Variants in TMEM260 observed in about 807,000 individuals in gnomAD.
TMEM260 encodes transmembrane protein 260.
TMEM260 carries 82 observed loss-of-function variants against 88.9 expected under a neutral mutation model. The observed-to-expected ratio is 0.92, with a 90% CI of 0.77 to 1.11. The LOEUF (loss-of-function observed/expected upper bound fraction) is 1.11. Ranked by LOEUF, TMEM260 falls within the 50% of genes least tolerant of loss-of-function variation. The pLI is 0.00. For synonymous variants in TMEM260, 314 were observed against 309.3 expected (o/e 1.02, Z -0.16); for missense variants, 902 against 853.4 (o/e 1.06, Z -0.71).
At chr14:56,631,178 G>A (rs770121598) in intron 12 of TMEM260, among the ~76,000 whole-genome samples, 4 of 152,308 alleles carry the variant, frequency 2.6e-5, no homozygotes, top group South Asian at 2.1e-4. Context: ...CCAAGCAGGC[G>A]ACTTGACAGA....
chr14:56,607,949 T>C (rs1887017178), intron 5 of TMEM260, among the ~76,000 whole-genome samples: 1 of 152,204 alleles, frequency 6.6e-6, no homozygotes, highest in African/African-American at 2.4e-5. Flanking sequence ...CATCTTACCA[T>C]TCTAAATTCA....
intron 14 of TMEM260, among the ~76,000 whole-genome samples, chr14:56,635,830 AAAT>A (rs1247295526): frequency 7.7e-5 from 11 of 143,164 alleles, no homozygotes; most frequent in Non-Finnish European, 9.3e-5. Flanking sequence ...TACAGCTGCA[AAAT>A]AATGATTGCA....
the TMEM260 span, among the ~76,000 whole-genome samples, chr14:56,655,867 A>G: frequency 1.3e-5 from 2 of 152,132 alleles, no homozygotes; most frequent in African/African-American, 2.4e-5. Context: ...GCCATGTGCT[A>G]TCTCCTGTGG....
chr14:56,636,247 G>A (rs1889056941), intron 14 of TMEM260, among the ~76,000 whole-genome samples: 1 of 147,162 alleles, frequency 6.8e-6, no homozygotes, highest in Non-Finnish European at 1.5e-5. Context: ...ACATTTGGAG[G>A]ATGAACAATG....
the TMEM260 span, among the ~76,000 whole-genome samples, chr14:56,661,548 GAGGGAGGGAGGGAAAGAGGGAAGGGAGGA>G: frequency 7.2e-6 from 1 of 138,024 alleles, no homozygotes; most frequent in Admixed American, 7.2e-5. Context: ...GGGAGGGAGG[GAGGGAGGGAGGGAAAGAGGGAAGGGAGGA>G]AGGGAGGGAA....
downstream of TMEM260, among the ~76,000 whole-genome samples, chr14:56,654,350 G>GT (rs1295011686): frequency 1.3e-5 from 2 of 152,122 alleles, no homozygotes; most frequent in Admixed American, 1.3e-4. Context: ...TGTTGCACTA[G>GT]TTTATATATT....
At chr14:56,616,534 A>G (rs192845399) in intron 8 of TMEM260, among the ~76,000 whole-genome samples, 11 of 152,194 alleles carry the variant, frequency 7.2e-5, no homozygotes, top group African/African-American at 2.2e-4. Flanking sequence ...CTATAAAAAT[A>G]CTTAAAATCA....
chr14:56,592,370 C>G lies in TMEM260; in HGVS notation c.344+6458C>G, dbSNP rs369590055. Among the ~76,000 whole-genome samples the G allele has an allele frequency of 1.3e-4, 20 of 152,234 alleles. No homozygotes were observed. The East Asian group carries it at 2.5e-3, about 19-fold the overall frequency. The stretch of plus-strand genomic sequence containing the variant: ...ACTTGACAATGAAAAGATTTATAAT[C>G]TACTGCTCTTTCAGTGGCCTCATTA... On this transcript the variant is annotated intron_variant, in intron 3 of 15. Coordinates refer to ENST00000261556, the MANE Select transcript of TMEM260 (RefSeq NM_017799.4).
At position 56,632,581 on chromosome 14, in the gene TMEM260, T is replaced by TTA. The variant is rs1888698480; in HGVS notation, c.1548-414_1548-413insTA. On this transcript the variant is annotated intron_variant, in intron 12 of 15. Transcript: ENST00000261556. Reference sequence around the variant, plus strand: ...GGGGGACTTTTCTTGGAGCTTTTTTTATCCTTATTTGAGACATACTTCTGA... The same window carrying TTA: ...GGGGGACTTTTCTTGGAGCTTTTTTTTAATCCTTATTTGAGACATACTTCTGA... Among the ~76,000 whole-genome samples, 13 of 152,048 alleles carry TTA rather than the reference T, an allele frequency of 8.5e-5. No individual in the cohort carries two copies. The South Asian group carries it at 2.5e-3, about 29-fold the overall frequency.
In TMEM260 at chr14:56,634,894, T is replaced by C; in HGVS notation, c.1725-5T>C. 6.2e-7 allele frequency: 1 copy of C among 1,612,832 alleles called. No homozygotes were observed. The highest frequency in any genetic ancestry group is 8.5e-7 in the Non-Finnish European group (1 of 1,179,244). On this transcript the variant is annotated splice_polypyrimidine_tract_variant and splice_region_variant and intron_variant, in intron 13 of 15. Coordinates refer to ENST00000261556, the MANE Select transcript of TMEM260 (RefSeq NM_017799.4). ...AAAGATATTACTGTTTTCTTGTAAC[T>C]ACAGGTTTGATCCATCTTCTTGGGA... is the stretch of plus-strand genomic sequence containing the variant.
At chr14:56,636,225 T>TAACAATAACATAC (rs139365782) in intron 14 of TMEM260, among the ~76,000 whole-genome samples, 6,129 of 152,190 alleles carry the variant, frequency 0.04, 199 homozygotes, top group Middle Eastern at 0.099. Context: ...TTCTCTTGCA[T>TAACAATAACATAC]AACAATAACA....
chr14:56,608,738 C>T (rs1390369831), intron 5 of TMEM260, among the ~76,000 whole-genome samples: 1 of 152,156 alleles, frequency 6.6e-6, no homozygotes, highest in Non-Finnish European at 1.5e-5. Flanking sequence ...GTATTTTGGG[C>T]ATATTCAAAA....
At chr14:56,635,109 A>ATGAATATTT (rs1415871994) in intron 14 of TMEM260, among the ~76,000 whole-genome samples, 157 bp downstream of exon 14, 2 of 152,202 alleles carry the variant, frequency 1.3e-5, no homozygotes, top group African/African-American at 4.8e-5. Context: ...ATCATTATAC[A>ATGAATATTT]TGAATATTTC....
rs113986833 is a variant in TMEM260 at position 56,611,964 on chromosome 14, G to A, written c.817-281G>A. On this transcript the variant is annotated intron_variant, in intron 6 of 15. Coordinates refer to ENST00000261556, the MANE Select transcript of TMEM260 (RefSeq NM_017799.4). Reference sequence around the variant, plus strand: ...GGGAGCTAAACATTGAGTACACATGGACACATATGTACTTAAGGGCAGAGG... The same window carrying A: ...GGGAGCTAAACATTGAGTACACATGAACACATATGTACTTAAGGGCAGAGG... Among the ~76,000 whole-genome samples the A allele has an allele frequency of 1.1e-3, 173 of 152,110 alleles. 2 individuals carry two copies. Among genetic ancestry groups the A allele is most frequent in the African/African-American group, 4.0e-3 (165 of 41,466 alleles).
chr14:56,626,588 A>G (rs1352709463), intron 12 of TMEM260, among the ~76,000 whole-genome samples: 2 of 152,208 alleles, frequency 1.3e-5, no homozygotes, highest in African/African-American at 2.4e-5. Context: ...AATGCCTTGT[A>G]AAGTGTCAGA....
intron 3 of TMEM260, among the ~76,000 whole-genome samples, chr14:56,591,841 G>T (rs1049763403): frequency 6.6e-6 from 1 of 152,126 alleles, no homozygotes; most frequent in African/African-American, 2.4e-5. Flanking sequence ...GGAATAAGTT[G>T]ATGGAGTATA....
At chr14:56,622,059 T>G (rs1887957329) in intron 11 of TMEM260, among the ~76,000 whole-genome samples, 1 of 152,148 alleles carries the variant, frequency 6.6e-6, no homozygotes, top group Non-Finnish European at 1.5e-5. Flanking sequence ...TATTTTACAT[T>G]CAGGCCGGGC....
intron 11 of TMEM260, among the ~76,000 whole-genome samples, chr14:56,622,853 A>G (rs1004723787): frequency 1.3e-5 from 2 of 152,226 alleles, no homozygotes; most frequent in African/African-American, 4.8e-5. Context: ...TAAATATACA[A>G]TTTTACATTT....
At chr14:56,582,636 A>C (rs983743410) in intron 1 of TMEM260, among the ~76,000 whole-genome samples, 1 of 152,130 alleles carries the variant, frequency 6.6e-6, no homozygotes, top group African/African-American at 2.4e-5. Flanking sequence ...GTCTTAGTAG[A>C]TTATGGAATT....
Sources: gnomAD v4.1 joint callset for allele counts (sites outside exome capture counted in the v4.1 genomes callset) on GRCh38, gnomAD v4.1.1 for gene constraint, MANE v1.5 for transcripts, NCBI Gene and HGNC (gene_info 2026-07-23, HGNC 2026-07-21) for gene names.